ST3GAL4: variants seen among roughly 807,000 people sequenced by gnomAD.
ST3GAL4 encodes the protein CMP-N-acetylneuraminate-beta-galactosamide-alpha-2,3-sialyltransferase 4.
A neutral mutation model predicts 42.6 loss-of-function variants in ST3GAL4; 24 were observed. The ratio of observed to expected loss-of-function variants is 0.56; its 90% CI spans 0.41 to 0.79. The LOEUF (loss-of-function observed/expected upper bound fraction) is 0.79. ST3GAL4 is among the 30% of genes least tolerant of loss of function. The pLI, the probability that ST3GAL4 is intolerant of heterozygous loss-of-function variation, is 0.00. For missense variants in ST3GAL4, 311 were observed against 430.8 expected (o/e 0.72, Z 2.46); for synonymous variants, 135 against 163.2 (o/e 0.83, Z 1.32).
In ST3GAL4 at chr11:126,376,624, T is replaced by G. The variant is rs957295597; in HGVS notation, c.-61+20782T>G. On this transcript the variant is annotated intron_variant, in intron 1 of 10. Coordinates refer to ENST00000444328, the MANE Select transcript of ST3GAL4 (RefSeq NM_001254757.2). The surrounding 1 kb of genome is among the most constrained non-coding windows in gnomAD (Gnocchi z 5.1). ...GTCTTTTAAGCAAGGTTAAGGCTGT[T>G]GTTAAGGCCTCATTGGTTTTGTTTG... The G allele has an allele frequency of 1.3e-5, 2 of 152,230 alleles. No homozygotes were observed. The highest frequency in any genetic ancestry group is 2.9e-5 in the Non-Finnish European group (2 of 68,040). 9.4% of individuals were successfully genotyped at this position (152,230 alleles called of 1,614,324 possible). A position where few individuals can be genotyped will look rare whatever the true frequency, so the allele number is the denominator to read the frequency against.
In ST3GAL4 at chr11:126,378,379, ATGAC is replaced by A. The variant is rs1335565467; in HGVS notation, c.-61+22540_-61+22543del. On this transcript the variant is annotated intron_variant, in intron 1 of 10. Transcript: ENST00000444328. This position sits in a 1 kb window ranked among gnomAD's most constrained non-coding sequence, Gnocchi z 5.3. ...AAAACATTTCTATGAATTTGATAAA[ATGAC>A]TGTATGCCATCATCAATTAGGGATG... Among the ~76,000 whole-genome samples, 9 of 152,266 alleles carry A rather than the reference ATGAC, an allele frequency of 5.9e-5. No homozygotes were observed. The highest frequency in any genetic ancestry group is 2.2e-4 in the African/African-American group (9 of 41,562).
In ST3GAL4 at chr11:126,414,244, G is replaced by C. The variant is rs1278388380; in HGVS notation, c.*197G>C. The C allele has an allele frequency of 3.3e-6, 2 of 605,830 alleles. No homozygotes were observed. The highest frequency in any genetic ancestry group is 5.8e-6 in the Non-Finnish European group (2 of 342,054). 37.5% of individuals were successfully genotyped at this position (605,830 alleles called of 1,614,324 possible). On this transcript the variant is annotated 3_prime_UTR_variant, in exon 11 of 11. Coordinates refer to ENST00000444328, the MANE Select transcript of ST3GAL4 (RefSeq NM_001254757.2). ...TATGGAGCCGAGATCCAGTCAGGGTGGGGGCGCTGGAGCCGTGGGAGCCCG... is the reference window on the plus strand; with the variant it reads ...TATGGAGCCGAGATCCAGTCAGGGTCGGGGCGCTGGAGCCGTGGGAGCCCG...
At position 126,407,992 on chromosome 11, in the gene ST3GAL4, G is replaced by A. The variant is rs1954333724; in HGVS notation, c.342-107G>A. 12 of 1,264,304 alleles carry A rather than the reference G, an allele frequency of 9.5e-6. No homozygotes were observed. In the Admixed American group the frequency reaches 2.4e-4, roughly 25 times the overall value. 78.3% of individuals were successfully genotyped at this position (1,264,304 alleles called of 1,614,324 possible). A position where few individuals can be genotyped will look rare whatever the true frequency, so the allele number is the denominator to read the frequency against. ...GATGCCTGCTTCATGGGGACCAGGG[G>A]CTGAGGGGGCCTAGGAAGTGGTCCT... On this transcript the variant is annotated intron_variant, in intron 6 of 10. Transcript: ENST00000444328.
intron 9 of ST3GAL4, among the ~76,000 whole-genome samples, chr11:126,412,446 G>T (rs763322922): frequency 6.6e-6 from 1 of 152,354 alleles, no homozygotes. Context: ...GGCTGGAGAA[G>T]TGAGAATATC....
rs532639466 is a variant in ST3GAL4 at position 126,394,797 on chromosome 11, C to G, written c.-60-11299C>G. Reference sequence around the variant, plus strand: ...AAACGGGTGATACAATGTTTCTGTACAGGAGTCTGCAGTGCCAGGCTGCAG... The same window carrying G: ...AAACGGGTGATACAATGTTTCTGTAGAGGAGTCTGCAGTGCCAGGCTGCAG... On this transcript the variant is annotated intron_variant, in intron 1 of 10. Transcript: ENST00000444328. Among the ~76,000 whole-genome samples the G allele has an allele frequency of 3.4e-5, 4 of 117,354 alleles. No individual in the cohort carries two copies. The South Asian group carries it at 1.1e-3, about 33-fold the overall frequency. The allele number at this position is 117,354 out of a possible 152,430, so 77.0% of individuals were successfully genotyped here. A position where few individuals can be genotyped will look rare whatever the true frequency, so the allele number is the denominator to read the frequency against.
chr11:126,361,776 C>G (rs1465025538), intron 1 of ST3GAL4, among the ~76,000 whole-genome samples: 1 of 152,082 alleles, frequency 6.6e-6, no homozygotes, highest in Non-Finnish European at 1.5e-5. Flanking sequence ...ATTTGTATTC[C>G]TAGAAGCAGG....
At chr11:126,370,839 G>A (rs1952615089) in intron 1 of ST3GAL4, among the ~76,000 whole-genome samples, 1 of 151,942 alleles carries the variant, frequency 6.6e-6, no homozygotes, top group African/African-American at 2.4e-5. Context: ...ACCACGCTCG[G>A]CTAATTTTTG....
intron 1 of ST3GAL4, among the ~76,000 whole-genome samples, chr11:126,369,822 C>A (rs1952576193): frequency 6.6e-6 from 1 of 152,092 alleles, no homozygotes; most frequent in Non-Finnish European, 1.5e-5. Context: ...GAGGCAATAG[C>A]CTTGTTTTGC....
At chr11:126,388,375 G>C (rs1408928918) in intron 1 of ST3GAL4, among the ~76,000 whole-genome samples, 2 of 151,908 alleles carry the variant, frequency 1.3e-5, no homozygotes, top group Non-Finnish European at 2.9e-5. Context: ...CTCTCTCCCA[G>C]GCTGGAGTGA....
Position 126,391,477 on chromosome 11 carries a change from G to T in ST3GAL4, c.-60-14619G>T, listed in dbSNP as rs530362829. Among the ~76,000 whole-genome samples, 14 of 152,158 alleles carry T rather than the reference G, an allele frequency of 9.2e-5. No individual in the cohort carries two copies. The highest frequency in any genetic ancestry group is 1.8e-4 in the Non-Finnish European group (12 of 68,038). ...GGGGCTTGGGTGCTGACTTTAGGAG[G>T]TGCGGCTCTTGGAAAGACAGAGTGT... On this transcript the variant is annotated intron_variant, in intron 1 of 10. Transcript: ENST00000444328. The surrounding 1 kb of genome is among the most constrained non-coding windows in gnomAD (Gnocchi z 5.5).
Position 126,410,856 on chromosome 11 carries a change from T to C in ST3GAL4, c.771+1445T>C, listed in dbSNP as rs1954496140. 6.6e-6 allele frequency among the ~76,000 whole-genome samples: 1 copy of C among 152,128 alleles called. No individual in the cohort carries two copies. Reference sequence around the variant, plus strand: ...TGGAATCTCAGAGGAGGGGCAGACATCTGCTGAGAGATGTCTGGGAGGCTC... The same window carrying C: ...TGGAATCTCAGAGGAGGGGCAGACACCTGCTGAGAGATGTCTGGGAGGCTC... On this transcript the variant is annotated intron_variant, in intron 9 of 10. Transcript: ENST00000444328. The surrounding 1 kb of genome is among the most constrained non-coding windows in gnomAD (Gnocchi z 5.3).
chr11:126,356,223 G>A (rs184734894), intron 1 of ST3GAL4: 1 of 152,434 alleles, frequency 6.6e-6, no homozygotes, highest in East Asian at 1.9e-4. Context: ...GCACTTGGGA[G>A]CTGACTGTGC....
intron 1 of ST3GAL4, among the ~76,000 whole-genome samples, chr11:126,372,005 T>C (rs1952671154): frequency 6.6e-6 from 1 of 152,252 alleles, no homozygotes; most frequent in Non-Finnish European, 1.5e-5. Context: ...CCTTTTTGTG[T>C]TCTTTTTTAT....
intron 1 of ST3GAL4, chr11:126,358,294 TC>T (rs754314879): frequency 2.8e-4 from 68 of 246,654 alleles, no homozygotes; most frequent in Non-Finnish European, 5.4e-4. Context: ...GGATCCTCCT[TC>T]CTACTCAAGA....
chr11:126,408,138 C>T lies in ST3GAL4; in HGVS notation c.381C>T (p.His127=), dbSNP rs1406579717. The change falls in exon 7 of 11, where the codon CAC becomes CAT. Residue 127 remains histidine (H), a synonymous_variant. Transcript: ENST00000444328. ...CRRCVVVGNG[H]RLRNSSLGDA... ...GCTGTGTGGTCGTGGGGAACGGGCACCGGCTGCGGAACAGCTCACTGGGAG... is the reference window on the plus strand; with the variant it reads ...GCTGTGTGGTCGTGGGGAACGGGCATCGGCTGCGGAACAGCTCACTGGGAG... 1.2e-6 allele frequency: 2 copies of T among 1,613,996 alleles called. No homozygotes were observed. Among genetic ancestry groups the T allele is most frequent in the Non-Finnish European group, 1.7e-6 (2 of 1,180,034 alleles).
rs1230308002 is a variant in ST3GAL4 at position 126,400,426 on chromosome 11, G to C, written c.-60-5670G>C. ...ACTGGGGATCAAGTTGCAGCACTTG[G>C]ACTTCGGGCAACACATTCAAACCAT... On this transcript the variant is annotated intron_variant, in intron 1 of 10. Coordinates refer to ENST00000444328, the MANE Select transcript of ST3GAL4 (RefSeq NM_001254757.2). The surrounding 1 kb of genome is among the most constrained non-coding windows in gnomAD (Gnocchi z 4.6). Among the ~76,000 whole-genome samples the C allele has an allele frequency of 6.6e-6, 1 of 152,218 alleles. No individual in the cohort carries two copies. The highest frequency in any genetic ancestry group is 1.5e-5 in the Non-Finnish European group (1 of 68,044).
In ST3GAL4 at chr11:126,406,353, CAG is replaced by C. The variant is rs1954229742; in HGVS notation, c.17-116_17-115del. The C allele has an allele frequency of 6.4e-7, 1 of 1,561,430 alleles. No individual in the cohort carries two copies. Among genetic ancestry groups the C allele is most frequent in the African/African-American group, 1.4e-5 (1 of 73,938 alleles). ...CCCTCAGCCAGGGCCAGGAGAGGGCCAGAGACTGCTTCTGTTGAGTTAGGGGT... is the reference window on the plus strand; with the variant it reads ...CCCTCAGCCAGGGCCAGGAGAGGGCCAGACTGCTTCTGTTGAGTTAGGGGT... On this transcript the variant is annotated intron_variant, in intron 2 of 10. Coordinates refer to ENST00000444328, the MANE Select transcript of ST3GAL4 (RefSeq NM_001254757.2). This position sits in a 1 kb window ranked among gnomAD's most constrained non-coding sequence, Gnocchi z 5.4.
intron 1 of ST3GAL4, 164 bp from the exon 2 acceptor site, chr11:126,405,932 G>A (rs928946375): frequency 9.1e-5 from 75 of 820,274 alleles, no homozygotes; most frequent in Non-Finnish European, 1.3e-4. Context: ...GGAGGAGTTA[G>A]GAGGATCCTG....
In ST3GAL4 at chr11:126,408,495, G is replaced by T. The variant is rs768159591; in HGVS notation, c.626G>T (p.Arg209Leu). The change falls in exon 8 of 11, where the codon CGG (arginine) becomes CTG (leucine). Residue 209 changes from arginine (R) to leucine (L), a missense_variant and splice_region_variant. Coordinates refer to ENST00000444328, the MANE Select transcript of ST3GAL4 (RefSeq NM_001254757.2). The stretch of plus-strand genomic sequence containing the variant: ...GAGACCATCCTGAGTGATAAGAAGC[G>T]GGTAAGTTGGGGGACAGACTGGGGG... The part of the protein sequence containing the change: ...WIETILSDKK[R>L]VRKGFWKQPP... 19 of 1,614,082 alleles carry T rather than the reference G, an allele frequency of 1.2e-5. No individual in the cohort carries two copies. The highest frequency in any genetic ancestry group is 1.6e-5 in the Non-Finnish European group (19 of 1,180,014).
Sources: allele counts gnomAD v4.1 joint callset (sites outside exome capture counted in the v4.1 genomes callset), GRCh38; gene constraint gnomAD v4.1.1; non-coding constraint Gnocchi (gnomAD v3.1); transcripts MANE v1.5; gene names NCBI Gene and HGNC (gene_info 2026-07-23, HGNC 2026-07-21).